TSPAN1: variants seen among roughly 807,000 people sequenced by gnomAD.
The protein encoded by TSPAN1 is tetraspanin 1.
In TSPAN1, 23 loss-of-function variants were observed where a neutral mutation model predicts 26.9. That is an observed-to-expected ratio of 0.85 (90% CI 0.62 to 1.21). The LOEUF is 1.21. TSPAN1 is among the 50% of genes most tolerant of loss of function. The pLI, the probability that TSPAN1 is intolerant of heterozygous loss-of-function variation, is 0.00. For missense variants in TSPAN1, 283 were observed against 298.4 expected (o/e 0.95, Z 0.38); for synonymous variants, 115 against 114.8 (o/e 1.00, Z -0.01).
At chr1:46,189,677 G>A (rs1049733041), downstream of TSPAN1, 2 of 1,545,238 alleles carry the variant, frequency 1.3e-6, no homozygotes, top group Non-Finnish European at 1.8e-6. Flanking sequence ...ACCTCAATTT[G>A]TAAGAGATAG....
chr1:46,184,486 C>A (rs922383246), intron 4 of TSPAN1, 89 bp downstream of exon 4: 2 of 1,600,678 alleles, frequency 1.2e-6, no homozygotes, highest in African/African-American at 1.3e-5. Flanking sequence ...CTGCTTTGGA[C>A]CCCCCTAGGC....
At chr1:46,193,082 A>T in the TSPAN1 span, 1 of 1,604,576 alleles carries the variant, frequency 6.2e-7, no homozygotes, top group Non-Finnish European at 8.5e-7. Context: ...GATGAGGCCC[A>T]GTGAGGGGAA....
At chr1:46,190,102 T>A, downstream of TSPAN1, 1 of 1,215,456 alleles carries the variant, frequency 8.2e-7, no homozygotes, top group Non-Finnish European at 1.1e-6. Flanking sequence ...AAGTTCTTTT[T>A]TTTTTTTTTT....
chr1:46,194,711 C>T, the TSPAN1 span: 1 of 1,614,154 alleles, frequency 6.2e-7, no homozygotes, highest in Non-Finnish European at 8.5e-7. Context: ...GGGCTTTTTC[C>T]CATCTCCCTG....
chr1:46,181,508 C>T (rs952551782), intron 3 of TSPAN1, among the ~76,000 whole-genome samples: 5 of 152,168 alleles, frequency 3.3e-5, no homozygotes, highest in Admixed American at 1.3e-4. Flanking sequence ...TAGAAGGGCT[C>T]CACCCAAGTT....
rs555831215 is a variant in TSPAN1, at chr1:46,176,624, T to G, written c.-142+1215T>G. 7 of 986,370 alleles carry G rather than the reference T, an allele frequency of 7.1e-6. No individual in the cohort carries two copies. In the Admixed American group the frequency reaches 1.5e-4, roughly 21 times the overall value. 61.1% of individuals were successfully genotyped at this position (986,370 alleles called of 1,614,324 possible). ...TCATGGGTCAGGCTCCTTCACAATCTTCTTTATTGGGTCTGGCCTAAAAGC... is the reference window on the plus strand; with the variant it reads ...TCATGGGTCAGGCTCCTTCACAATCGTCTTTATTGGGTCTGGCCTAAAAGC... On this transcript the variant is annotated intron_variant, in intron 1 of 8. Coordinates refer to ENST00000372003, the MANE Select transcript of TSPAN1 (RefSeq NM_005727.4).
the TSPAN1 span, chr1:46,192,882 C>T: frequency 6.2e-7 from 1 of 1,614,094 alleles, no homozygotes; most frequent in Non-Finnish European, 8.5e-7. Flanking sequence ...TCAACTGAAA[C>T]CTAGAGACTC....
intron 1 of TSPAN1, chr1:46,176,349 T>C: frequency 6.5e-7 from 1 of 1,535,740 alleles, no homozygotes; most frequent in South Asian, 1.2e-5. Context: ...CCTGTTGATA[T>C]CTTCTGCGGC....
At chr1:46,184,760 C>T (rs1657389995) in intron 5 of TSPAN1, 25 bp from the exon 6 acceptor site, 1 of 1,614,008 alleles carries the variant, frequency 6.2e-7, no homozygotes, top group Non-Finnish European at 8.5e-7. Context: ...GTACCAGCCC[C>T]TAAACACTGG....
intron 4 of TSPAN1, 75 bp from the exon 5 acceptor site, chr1:46,184,519 C>CGG (rs35321971): frequency 5.0e-4 from 776 of 1,560,960 alleles, no homozygotes; most frequent in African/African-American, 3.2e-3. Flanking sequence ...CTCACTTTTC[C>CGG]GGGGGGGGGA....
downstream of TSPAN1, among the ~76,000 whole-genome samples, chr1:46,187,513 A>G (rs2148153257): frequency 6.6e-6 from 1 of 152,264 alleles, no homozygotes; most frequent in South Asian, 2.1e-4. Flanking sequence ...CCAGAAAGGA[A>G]GAGGGACCTG....
At position 46,184,647 on chromosome 1, in the gene TSPAN1, C is replaced by T. The variant is rs748429375; in HGVS notation, c.318C>T (p.Val106=). Residue 106 remains valine (V), a synonymous_variant, in exon 5 of 9, where the codon GTC becomes GTT. Transcript: ENST00000372003. ...TTGCTGAGGTTGCAGCTGCTGTGGT[C>T]GCCTTGGTGTACACCACAATGGTGA... ...IFIAEVAAAV[V]ALVYTTMAEH... 3.7e-5 allele frequency: 60 copies of T among 1,613,952 alleles called. No individual in the cohort carries two copies. In the Admixed American group the frequency reaches 7.7e-4, roughly 21 times the overall value.
At chr1:46,182,707 A>G (rs1333174178) in intron 3 of TSPAN1, among the ~76,000 whole-genome samples, 3 of 152,096 alleles carry the variant, frequency 2.0e-5, no homozygotes, top group African/African-American at 7.2e-5. Context: ...TTATGTATGT[A>G]TTGATTAGTT....
downstream of TSPAN1, among the ~76,000 whole-genome samples, chr1:46,186,754 T>TG (rs1491250563): frequency 4.9e-5 from 7 of 141,770 alleles, no homozygotes; most frequent in African/African-American, 1.8e-4. Context: ...CTCCGCCCCC[T>TG]GGGGTTCACG....
the TSPAN1 span, chr1:46,192,097 C>T: frequency 3.5e-4 from 570 of 1,613,632 alleles, no homozygotes; most frequent in Non-Finnish European, 3.3e-4. Context: ...CTCCCACTCA[C>T]GTGAAAGTAG....
At chr1:46,179,171 A>AT (rs57621701) in intron 1 of TSPAN1, among the ~76,000 whole-genome samples, 12 of 151,492 alleles carry the variant, frequency 7.9e-5, no homozygotes, top group African/African-American at 2.7e-4. Flanking sequence ...AAAAAAAAAA[A>AT]TTTGCTTGAG....
At position 46,180,653 on chromosome 1, in the gene TSPAN1, G is replaced by A. The variant is rs1657295416; in HGVS notation, c.-14G>A. On this transcript the variant is annotated 5_prime_UTR_variant, in exon 2 of 9. Coordinates refer to ENST00000372003, the MANE Select transcript of TSPAN1 (RefSeq NM_005727.4). The stretch of plus-strand genomic sequence containing the variant: ...TTCAGAACTCACTGCCAAGAGCCCT[G>A]AACAGGTAATGGGATAGGGATACAG... The A allele has an allele frequency of 6.3e-6, 1 of 157,820 alleles. No homozygotes were observed. Among genetic ancestry groups the A allele is most frequent in the Admixed American group, 6.4e-5 (1 of 15,682 alleles). The allele number at this position is 157,820 out of a possible 1,614,324, so 9.8% of individuals were successfully genotyped here. A position where few individuals can be genotyped will look rare whatever the true frequency, so the allele number is the denominator to read the frequency against.
At chr1:46,194,648 G>T in the TSPAN1 span, 3 of 1,614,248 alleles carry the variant, frequency 1.9e-6, no homozygotes, top group Non-Finnish European at 2.5e-6. Flanking sequence ...CCCGAAGACA[G>T]GACCTGGCAG....
chr1:46,190,416 G>A, downstream of TSPAN1: 1 of 1,518,146 alleles, frequency 6.6e-7, no homozygotes. Flanking sequence ...ATGGGGCCAA[G>A]ATCCCCAGTA....
Sources: allele counts gnomAD v4.1 joint callset (sites outside exome capture counted in the v4.1 genomes callset), GRCh38; gene constraint gnomAD v4.1.1; transcripts MANE v1.5; gene names NCBI Gene and HGNC (gene_info 2026-07-23, HGNC 2026-07-21).